The following SLC12A7 variants were observed in gnomAD, a reference collection of about 807,000 sequenced individuals.
SLC12A7 encodes solute carrier family 12 member 7.
SLC12A7 carries 100 observed loss-of-function variants against 120.6 expected under a neutral mutation model. The observed-to-expected ratio is 0.83, with a 90% CI of 0.71 to 0.98. SLC12A7 has a LOEUF of 0.98. SLC12A7 is among the 50% of genes least tolerant of loss of function. The pLI is 0.00. For synonymous variants in SLC12A7, 760 were observed against 678.0 expected, an observed-to-expected ratio of 1.12 and a Z score of -1.88; for missense variants, 1,373 against 1,548.1, an observed-to-expected ratio of 0.89 and a Z score of 1.90.
chr5:1,076,936 A>T (rs184691188), intron 12 of SLC12A7, 124 bp from the exon 13 acceptor site: 4 of 714,860 alleles, frequency 5.6e-6, no homozygotes, highest in Non-Finnish European at 1.0e-5. Context: ...CGCCTTTCAC[A>T]GTAGGTCCCC....
chr5:1,148,333 A>G, the SLC12A7 span, among the ~76,000 whole-genome samples: 1 of 147,380 alleles, frequency 6.8e-6, no homozygotes. Context: ...CAGCCTCCCT[A>G]CTAGCTGGGA....
Position 1,078,734 on chromosome 5 carries a change from C to A in SLC12A7, c.1421G>T (p.Gly474Val). 1 of 1,611,606 alleles carries A rather than the reference C, an allele frequency of 6.2e-7. No homozygotes were observed. The highest frequency in any genetic ancestry group is 8.5e-7 in the Non-Finnish European group (1 of 1,179,720). ...FIYLSCIVLF[G>V]ACIEGVVLRD... The stretch of plus-strand genomic sequence containing the variant: ...TAAGACCACGCCTTCAATGCAGGCC[C>A]CAAACAGCACAATGCAGGAGAGATC... Residue 474 changes from glycine to valine, a missense_variant, in exon 11 of 24, where the codon GGG (glycine) becomes GTG (valine). By Grantham distance (109) the Gly-to-Val change is moderately radical. Transcript: ENST00000264930.
At chr5:1,111,156 G>A (rs1232021279) in intron 1 of SLC12A7, among the ~76,000 whole-genome samples, 1 of 152,182 alleles carries the variant, frequency 6.6e-6, no homozygotes, top group African/African-American at 2.4e-5. Flanking sequence ...TTTCTAGAGG[G>A]GGCTGAGATC....
the SLC12A7 span, among the ~76,000 whole-genome samples, chr5:1,121,607 C>G: frequency 6.6e-6 from 1 of 152,218 alleles, no homozygotes; most frequent in African/African-American, 2.4e-5. Context: ...AGTGTGACCT[C>G]AAGGGCTTAC....
chr5:1,093,799 C>T, intron 2 of SLC12A7, 144 bp from the exon 3 acceptor site: 7 of 1,284,812 alleles, frequency 5.4e-6, no homozygotes, highest in Non-Finnish European at 7.4e-6. Context: ...GGCCTGGACA[C>T]CTGTGTGGCA....
Position 1,077,885 on chromosome 5 carries a change from GC to G in SLC12A7, c.1576del (p.Ala526HisfsTer35). 6.3e-7 allele frequency: 1 copy of G among 1,598,198 alleles called. No homozygotes were observed. The highest frequency in any genetic ancestry group is 8.5e-7 in the Non-Finnish European group (1 of 1,173,234). On this transcript the variant is annotated frameshift_variant, in exon 12 of 24. Transcript: ENST00000264930. LOFTEE classifies it high-confidence loss of function. The part of the protein sequence containing the change: ...CGAGLQSLTG[A>X]PRLLQAIARD... ...GGCAATGGCCTGCAGTAGGCGCGGT[GC>G]CCCCGTGAGGCTCTGCAGGCCGGCA...
At chr5:1,053,257 G>T in intron 23 of SLC12A7, 92 bp downstream of exon 23, 1 of 1,457,226 alleles carries the variant, frequency 6.9e-7, no homozygotes. Context: ...CGGGAAGCCA[G>T]CCTCACTCCC....
At chr5:1,089,173 C>A in intron 3 of SLC12A7, 45 bp from the exon 4 acceptor site, 1 of 1,591,382 alleles carries the variant, frequency 6.3e-7, no homozygotes, top group Non-Finnish European at 8.5e-7. Context: ...ACCCCACACC[C>A]AGAGGGAGCC....
intron 9 of SLC12A7, among the ~76,000 whole-genome samples, chr5:1,081,374 T>C (rs1487208838): frequency 1.3e-5 from 2 of 151,904 alleles, no homozygotes; most frequent in South Asian, 2.1e-4. Context: ...AATACAGATA[T>C]TAGCCGGGCG....
chr5:1,126,007 CAT>C, the SLC12A7 span, among the ~76,000 whole-genome samples: 154 of 151,850 alleles, frequency 1.0e-3, 1 homozygote, highest in Middle Eastern at 6.8e-3. Context: ...AAAAGTCACT[CAT>C]GTTATTAAGC....
chr5:1,148,037 C>A, the SLC12A7 span, among the ~76,000 whole-genome samples: 2 of 152,108 alleles, frequency 1.3e-5, no homozygotes, highest in African/African-American at 4.8e-5. Context: ...CCTGTAACTT[C>A]TGTCTCCCTG....
At chr5:1,137,340 G>A in the SLC12A7 span, among the ~76,000 whole-genome samples, 2 of 151,958 alleles carry the variant, frequency 1.3e-5, no homozygotes, top group Admixed American at 6.5e-5. Context: ...ATCAGACCAC[G>A]AATGACAAAG....
At chr5:1,075,280 G>A (rs1738196872) in intron 15 of SLC12A7, 91 bp downstream of exon 15, 4 of 1,510,480 alleles carry the variant, frequency 2.6e-6, no homozygotes, top group Non-Finnish European at 2.7e-6. Flanking sequence ...AAGCCCCAGG[G>A]AGGCCCCTCC....
chr5:1,057,684 C>G, intron 21 of SLC12A7, 35 bp from the exon 22 acceptor site: 1 of 1,566,792 alleles, frequency 6.4e-7, no homozygotes, highest in Admixed American at 1.8e-5. Flanking sequence ...ACCAGCCGGT[C>G]TCAAAACTCC....
intron 17 of SLC12A7, among the ~76,000 whole-genome samples, chr5:1,069,719 GGTGACGTGAC>G (rs532004609): frequency 6.6e-6 from 1 of 152,122 alleles, no homozygotes; most frequent in Non-Finnish European, 1.5e-5. Flanking sequence ...AGTAACTCCA[GGTGACGTGAC>G]GTGACGTGAC....
At chr5:1,120,853 C>T in the SLC12A7 span, among the ~76,000 whole-genome samples, 2 of 152,228 alleles carry the variant, frequency 1.3e-5, no homozygotes, top group Admixed American at 6.5e-5. Context: ...CCAGCACAGA[C>T]GGCAGTCCCT....
At chr5:1,104,262 C>G (rs922209152) in intron 1 of SLC12A7, among the ~76,000 whole-genome samples, 1 of 152,210 alleles carries the variant, frequency 6.6e-6, no homozygotes, top group Admixed American at 6.5e-5. Context: ...TCACAGCCAC[C>G]GCCACCCTCG....
At chr5:1,087,220 G>A (rs1020437898) in intron 5 of SLC12A7, among the ~76,000 whole-genome samples, 187 bp from the exon 6 acceptor site, 5 of 152,106 alleles carry the variant, frequency 3.3e-5, no homozygotes, top group Non-Finnish European at 5.9e-5. Flanking sequence ...CCCGAGGCTC[G>A]GCACACGTTC....
the SLC12A7 span, among the ~76,000 whole-genome samples, chr5:1,133,722 G>A: frequency 7.9e-5 from 12 of 152,142 alleles, no homozygotes; most frequent in Admixed American, 1.3e-4. Context: ...GTGGAGTTTC[G>A]GGGTATGAAC....
Sources: gnomAD v4.1 joint callset for allele counts (sites outside exome capture counted in the v4.1 genomes callset) on GRCh38, gnomAD v4.1.1 for gene constraint, MANE v1.5 for transcripts, NCBI Gene and HGNC (gene_info 2026-07-23, HGNC 2026-07-21) for gene names.